Variants in ENO4 observed in about 807,000 individuals in gnomAD.
ENO4 encodes enolase 4.
In ENO4, 53 loss-of-function variants were observed where a neutral mutation model predicts 63.2. The ratio of observed to expected loss-of-function variants is 0.84; its 90% CI spans 0.67 to 1.05. ENO4 has a LOEUF of 1.05. ENO4 is among the 50% of genes least tolerant of loss of function. The pLI is 0.00. For synonymous variants in ENO4, 266 were observed against 283.8 expected, an observed-to-expected ratio of 0.94 and a Z score of 0.63; for missense variants, 719 against 772.0, an observed-to-expected ratio of 0.93 and a Z score of 0.81.
In ENO4 at chr10:116,879,900, TG is replaced by T. The variant is rs1382978098; in HGVS notation, c.1643del (p.Gly548ValfsTer8). 6.4e-7 allele frequency: 1 copy of T among 1,550,586 alleles called. No individual in the cohort carries two copies. The highest frequency in any genetic ancestry group is 8.7e-7 in the Non-Finnish European group (1 of 1,146,984). ...AVGLGVRFIK[L>X]GGLSRGERVT... ...GGGCTTGGTGTCCGGTTCATCAAGT[TG>T]GGGGGTCTTTCCCGTGGTGAACGAG... On this transcript the variant is annotated frameshift_variant, in exon 13 of 14. Coordinates refer to ENST00000341276, the MANE Select transcript of ENO4 (RefSeq NM_001242699.2). LOFTEE classifies it high-confidence loss of function.
In ENO4 at chr10:116,880,036, C is replaced by A. The variant is rs200956380; in HGVS notation, c.1723+50C>A. The A allele has an allele frequency of 4.2e-4, 576 of 1,387,274 alleles. 1 individual carries two copies. The highest frequency in any genetic ancestry group is 4.9e-4 in the Non-Finnish European group (496 of 1,003,322). The allele number at this position is 1,387,274 out of a possible 1,614,324, so 85.9% of individuals were successfully genotyped here. On this transcript the variant is annotated intron_variant, in intron 13 of 13. Transcript: ENST00000341276. ...TTCCACTTAGCCATGAATAAGAGAA[C>A]AAAGATTGGAAGAGGGGGAATAGAA...
intron 10 of ENO4, among the ~76,000 whole-genome samples, chr10:116,875,349 C>G (rs955563933): frequency 6.6e-6 from 1 of 151,756 alleles, no homozygotes; most frequent in African/African-American, 2.4e-5. Context: ...TCCTGAGGCT[C>G]TGGTCATACT....
intron 10 of ENO4, among the ~76,000 whole-genome samples, chr10:116,890,822 T>C (rs991334688): frequency 6.6e-6 from 1 of 152,242 alleles, no homozygotes; most frequent in African/African-American, 2.4e-5. Flanking sequence ...ACAATGGCAA[T>C]GGCCATGCCA....
intron 1 of ENO4, among the ~76,000 whole-genome samples, chr10:116,850,695 CAT>C (rs1181449742): frequency 6.6e-6 from 1 of 152,152 alleles, no homozygotes; most frequent in Non-Finnish European, 1.5e-5. Flanking sequence ...TTTTCCCACT[CAT>C]GGCCTATACT....
chr10:116,903,843 AC>A (rs1847851689), intron 10 of ENO4, among the ~76,000 whole-genome samples: 1 of 152,194 alleles, frequency 6.6e-6, no homozygotes, highest in African/African-American at 2.4e-5. Context: ...TTTCTTATAT[AC>A]AAAAAGACAT....
At chr10:116,888,846 G>A (rs981461219) in intron 10 of ENO4, among the ~76,000 whole-genome samples, 4 of 152,204 alleles carry the variant, frequency 2.6e-5, no homozygotes, top group Non-Finnish European at 5.9e-5. Context: ...ATCTCATGCA[G>A]ATTTATCTGT....
At chr10:116,850,122 A>C in intron 1 of ENO4, 1 of 304,266 alleles carries the variant, frequency 3.3e-6, no homozygotes, top group Non-Finnish European at 6.4e-6. Context: ...CACCGACCTT[A>C]AGCAGCTCCT....
chr10:116,906,334 T>G (rs1384124181), intron 10 of ENO4, among the ~76,000 whole-genome samples: 2 of 152,216 alleles, frequency 1.3e-5, no homozygotes, highest in African/African-American at 4.8e-5. Context: ...TGATGCTATA[T>G]TGTTGCCGAA....
At position 116,878,218 on chromosome 10, in the gene ENO4, AGTGGGT is replaced by A. The variant is rs1213679930; in HGVS notation, c.1538-1072_1538-1067del. Among the ~76,000 whole-genome samples, 6 of 152,198 alleles carry A rather than the reference AGTGGGT, an allele frequency of 3.9e-5. No individual in the cohort carries two copies. In the East Asian group the frequency reaches 9.6e-4, roughly 24 times the overall value. The stretch of plus-strand genomic sequence containing the variant: ...CAGAGGACATGAAACAAATACCACG[AGTGGGT>A]CTCAGGAACTAGACAGAAAGCTGGT... On this transcript the variant is annotated intron_variant, in intron 11 of 13. Coordinates refer to ENST00000341276, the MANE Select transcript of ENO4 (RefSeq NM_001242699.2).
At chr10:116,904,783 AT>A (rs1847894190) in intron 10 of ENO4, among the ~76,000 whole-genome samples, 1 of 152,224 alleles carries the variant, frequency 6.6e-6, no homozygotes. Context: ...AAATGTGAGT[AT>A]TGCACATTTT....
downstream of ENO4, chr10:116,885,254 C>CTGAAT (rs1847130339): frequency 6.6e-6 from 1 of 152,592 alleles, no homozygotes; most frequent in African/African-American, 2.4e-5. Context: ...AGTAAAATTA[C>CTGAAT]CATTACTGAA....
downstream of ENO4, chr10:116,886,610 A>G: frequency 6.2e-7 from 1 of 1,608,432 alleles, no homozygotes; most frequent in Non-Finnish European, 8.5e-7. Context: ...AAGCAGAGAG[A>G]GAAAATAGTT....
chr10:116,856,731 G>C, intron 3 of ENO4, 49 bp downstream of exon 3: 1 of 1,431,962 alleles, frequency 7.0e-7, no homozygotes, highest in Non-Finnish European at 9.2e-7. Flanking sequence ...GCCGGGCACA[G>C]TGGCTCACGC....
intron 6 of ENO4, among the ~76,000 whole-genome samples, chr10:116,862,440 A>G (rs1564846955): frequency 6.6e-6 from 1 of 152,042 alleles, no homozygotes; most frequent in Non-Finnish European, 1.5e-5. Context: ...CAGCCTGGGC[A>G]ACAGAGTGAA....
At chr10:116,884,348 A>C (rs78534932), downstream of ENO4, 8,142 of 433,772 alleles carry the variant, frequency 0.019, 125 homozygotes, top group Non-Finnish European at 0.028. Flanking sequence ...AATATCTTCC[A>C]TCAAATACCT....
chr10:116,862,718 G>A, intron 6 of ENO4, 81 bp from the exon 7 acceptor site: 3 of 979,208 alleles, frequency 3.1e-6, no homozygotes, highest in Non-Finnish European at 4.7e-6. Flanking sequence ...CTCTGAGTTA[G>A]AAATAGCCAC....
intron 10 of ENO4, chr10:116,902,067 T>C (rs1235720338): frequency 1.1e-6 from 1 of 948,206 alleles, no homozygotes; most frequent in Non-Finnish European, 1.5e-6. Context: ...AAGGCCAAGT[T>C]TGTTAAAATT....
intron 10 of ENO4, chr10:116,900,675 G>A (rs1008727190): frequency 2.7e-6 from 4 of 1,468,776 alleles, no homozygotes; most frequent in Non-Finnish European, 9.0e-7. Context: ...TGTCAAATTA[G>A]GTGTTAAACA....
rs1213972000 is a variant in ENO4 at position 116,879,996 on chromosome 10, G to T, written c.1723+10G>T. On this transcript the variant is annotated intron_variant, in intron 13 of 13. Transcript: ENST00000341276. ...CAGAATGGAACACTGGGTATGCGCT[G>T]CTTTCTTGCTTTGTTTCCACTTAGC... 5 of 1,520,552 alleles carry T rather than the reference G, an allele frequency of 3.3e-6. No homozygotes were observed. The East Asian group carries it at 1.2e-4, about 37-fold the overall frequency. The allele number at this position is 1,520,552 out of a possible 1,614,324, so 94.2% of individuals were successfully genotyped here.
Sources: allele counts gnomAD v4.1 joint callset (sites outside exome capture counted in the v4.1 genomes callset), GRCh38; gene constraint gnomAD v4.1.1; transcripts MANE v1.5; gene names NCBI Gene and HGNC (gene_info 2026-07-23, HGNC 2026-07-21).